Variants in ELMO2 observed in about 807,000 individuals in gnomAD.
ELMO2 encodes engulfment and cell motility 2.
In ELMO2, 37 loss-of-function variants were observed where a neutral mutation model predicts 96.2. That is an observed-to-expected ratio of 0.38 (90% CI 0.30 to 0.51). ELMO2 has a LOEUF of 0.51. ELMO2 is among the 20% of genes least tolerant of loss of function. The pLI is 0.88. For synonymous variants in ELMO2, 315 were observed against 329.4 expected (o/e 0.96, Z 0.47); for missense variants, 561 against 912.6 (o/e 0.61, Z 4.96).
At chr20:46,405,751 G>A (rs538292127) in intron 1 of ELMO2, among the ~76,000 whole-genome samples, 1 of 152,312 alleles carries the variant, frequency 6.6e-6, no homozygotes, top group East Asian at 1.9e-4. Context: ...GGGCGTGGTG[G>A]CAGGCGCCCG....
At chr20:46,390,390 C>A (rs778062953) in intron 6 of ELMO2, among the ~76,000 whole-genome samples, 8 of 152,266 alleles carry the variant, frequency 5.3e-5, no homozygotes, top group Non-Finnish European at 1.0e-4. Flanking sequence ...AAAACTTTCT[C>A]TTAGAATCCA....
intron 6 of ELMO2, among the ~76,000 whole-genome samples, chr20:46,389,576 G>T (rs2060114546): frequency 6.6e-6 from 1 of 152,152 alleles, no homozygotes; most frequent in Non-Finnish European, 1.5e-5. Flanking sequence ...GTCTTGCTGG[G>T]TGCGTGGCTC....
Position 46,367,284 on chromosome 20 carries a change from C to T in ELMO2, c.*76G>A. ...CTACAGATTCTGTACAAGCAAAAGA[C>T]AAGGCACCAGAATGTAAGTGTTTCT... On this transcript the variant is annotated 3_prime_UTR_variant, in exon 22 of 22. Transcript: ENST00000290246. 2 of 1,325,498 alleles carry T rather than the reference C, an allele frequency of 1.5e-6. No homozygotes were observed. The highest frequency in any genetic ancestry group is 5.5e-5 in the East Asian group (2 of 36,458). The allele number at this position is 1,325,498 out of a possible 1,614,324, so 82.1% of individuals were successfully genotyped here. A position where few individuals can be genotyped will look rare whatever the true frequency, so the allele number is the denominator to read the frequency against.
At chr20:46,370,316 A>G (rs541527768) in intron 20 of ELMO2, 127 bp downstream of exon 20, 1 of 907,154 alleles carries the variant, frequency 1.1e-6, no homozygotes, top group Non-Finnish European at 1.8e-6. Context: ...TGTATGTTCA[A>G]AATTCTTAAT....
intron 1 of ELMO2, among the ~76,000 whole-genome samples, chr20:46,403,979 G>T (rs916135559): frequency 6.6e-6 from 1 of 152,196 alleles, no homozygotes; most frequent in Non-Finnish European, 1.5e-5. Context: ...AGCCACTCAG[G>T]AGGCTGAGGC....
intron 1 of ELMO2, among the ~76,000 whole-genome samples, chr20:46,401,864 C>T (rs1364879953): frequency 6.6e-6 from 1 of 152,170 alleles, no homozygotes; most frequent in African/African-American, 2.4e-5. Context: ...TTAATTGCAG[C>T]CTCATCTGTG....
Position 46,398,747 on chromosome 20 carries a change from A to G in ELMO2, c.-101T>C, listed in dbSNP as rs1222752854. On this transcript the variant is annotated 5_prime_UTR_variant, in exon 2 of 22. An upstream start codon of the reference 5' UTR is lost. Coordinates refer to ENST00000290246, the MANE Select transcript of ELMO2 (RefSeq NM_133171.5). ...AGACGGATTGACAAACTTGTTCTCC[A>G]TGTACCTCTTTCTACACCTCCCTCC... 6.6e-6 allele frequency: 1 copy of G among 152,176 alleles called. No individual in the cohort carries two copies. The highest frequency in any genetic ancestry group is 1.9e-4 in the East Asian group (1 of 5,192). 9.4% of individuals were successfully genotyped at this position (152,176 alleles called of 1,614,324 possible).
chr20:46,374,496 G>A (rs763960775), intron 14 of ELMO2, 40 bp downstream of exon 14: 14 of 1,610,644 alleles, frequency 8.7e-6, no homozygotes, highest in Non-Finnish European at 1.2e-5. Flanking sequence ...GGCAGGAGAT[G>A]TGGCACCAGG....
chr20:46,393,258 C>A, intron 5 of ELMO2, 115 bp from the exon 6 acceptor site: 2 of 1,079,898 alleles, frequency 1.9e-6, no homozygotes, highest in South Asian at 1.3e-5. Context: ...AACTGAGGAT[C>A]TTCAGTCGGG....
chr20:46,389,173 C>T lies in ELMO2; in HGVS notation c.291G>A (p.Met97Ile). Reference protein sequence around the residue: ...QLMERTQSSNMETRLDAMKEL... With the variant: ...QLMERTQSSNIETRLDAMKEL... Reference sequence around the variant, plus strand: ...CCTTCATGGCATCCAGCCGGGTCTCCATGTTGGATGACTGGGTCCTCTCCA... The same window carrying T: ...CCTTCATGGCATCCAGCCGGGTCTCTATGTTGGATGACTGGGTCCTCTCCA... The change falls in exon 7 of 22, where the codon ATG becomes ATA. Residue 97 changes from methionine (M) to isoleucine (I), a missense_variant. Physicochemically the swap from Met to Ile is conservative, Grantham distance 10. Coordinates refer to ENST00000290246, the MANE Select transcript of ELMO2 (RefSeq NM_133171.5). 1.9e-6 allele frequency: 3 copies of T among 1,614,184 alleles called. No individual in the cohort carries two copies. Among genetic ancestry groups the T allele is most frequent in the Non-Finnish European group, 2.5e-6 (3 of 1,180,014 alleles).
chr20:46,397,472 C>T (rs1181509967), intron 2 of ELMO2, among the ~76,000 whole-genome samples: 1 of 152,146 alleles, frequency 6.6e-6, no homozygotes, highest in Non-Finnish European at 1.5e-5. Flanking sequence ...GAGTTTGAGA[C>T]CACCCTGGCC....
At position 46,380,277 on chromosome 20, in the gene ELMO2, C is replaced by T; in HGVS notation, c.783G>A (p.Lys261=). The T allele has an allele frequency of 6.2e-7, 1 of 1,613,646 alleles. No homozygotes were observed. The highest frequency in any genetic ancestry group is 8.5e-7 in the Non-Finnish European group (1 of 1,179,656). Residue 261 remains lysine (K), a synonymous_variant, in exon 11 of 22, where the codon AAG becomes AAA. Transcript: ENST00000290246. ...CATTCAGGATTATAGACCGGAGATG[C>T]TTCTGTGCAAATGCATTTGCCATAT... is the stretch of plus-strand genomic sequence containing the variant. ...RQDMANAFAQ[K]HLRSIILNHV...
At chr20:46,384,860 G>C (rs1030972178) in intron 9 of ELMO2, among the ~76,000 whole-genome samples, 2 of 151,602 alleles carry the variant, frequency 1.3e-5, no homozygotes, top group Non-Finnish European at 1.5e-5. Context: ...CCAGCTACTC[G>C]GGAGGCTGAG....
At chr20:46,377,812 A>T (rs1265506804) in intron 11 of ELMO2, among the ~76,000 whole-genome samples, 1 of 151,920 alleles carries the variant, frequency 6.6e-6, no homozygotes, top group African/African-American at 2.4e-5. Flanking sequence ...TCATCTCTCT[A>T]GCCTTACTCT....
At chr20:46,374,701 G>GGGGA in intron 13 of ELMO2, 61 bp from the exon 14 acceptor site, 1 of 1,471,578 alleles carries the variant, frequency 6.8e-7, no homozygotes, top group Non-Finnish European at 9.5e-7. Flanking sequence ...AGGGACCTGA[G>GGGGA]GGGATGCCCT....
chr20:46,374,382 G>A lies in ELMO2; in HGVS notation c.1229C>T (p.Ala410Val). ...DKHECPFGRS[A>V]IELTKMLCEI... is the part of the protein sequence containing the mutation. Reference sequence around the variant, plus strand: ...ACAGAGCATTTTGGTGAGCTCAATGGCACTGCGGCCAAAGGGGCATTCATG... The same window carrying A: ...ACAGAGCATTTTGGTGAGCTCAATGACACTGCGGCCAAAGGGGCATTCATG... The change falls in exon 15 of 22, where the codon GCC becomes GTC. Residue 410 changes from alanine to valine, a missense_variant. By Grantham distance (64) the Ala-to-Val change is moderately conservative (BLOSUM62 0). Coordinates refer to ENST00000290246, the MANE Select transcript of ELMO2 (RefSeq NM_133171.5). 1.2e-6 allele frequency: 2 copies of A among 1,614,158 alleles called. No homozygotes were observed. Among genetic ancestry groups the A allele is most frequent in the Non-Finnish European group, 1.7e-6 (2 of 1,180,040 alleles).
chr20:46,378,454 G>A (rs748140639), intron 11 of ELMO2, among the ~76,000 whole-genome samples: 3 of 152,220 alleles, frequency 2.0e-5, no homozygotes, highest in Non-Finnish European at 4.4e-5. Flanking sequence ...TCCTTCAGAA[G>A]GGCGCACTCA....
chr20:46,386,346 C>G, intron 8 of ELMO2, 71 bp from the exon 9 acceptor site: 1 of 1,577,496 alleles, frequency 6.3e-7, no homozygotes, highest in Admixed American at 1.7e-5. Flanking sequence ...GCATCTGATG[C>G]TAGCCCTTGA....
intron 9 of ELMO2, among the ~76,000 whole-genome samples, chr20:46,385,833 G>T (rs2060031628): frequency 6.6e-6 from 1 of 152,228 alleles, no homozygotes; most frequent in African/African-American, 2.4e-5. Flanking sequence ...GGGCCCATGT[G>T]AGAAAGCATC....
Sources: gnomAD v4.1 joint callset for allele counts (sites outside exome capture counted in the v4.1 genomes callset) on GRCh38, gnomAD v4.1.1 for gene constraint, MANE v1.5 for transcripts, NCBI Gene and HGNC (gene_info 2026-07-23, HGNC 2026-07-21) for gene names.